Variants in GLB1L2 observed in about 807,000 individuals in gnomAD.
GLB1L2 encodes the protein galactosidase beta 1 like 2, also known as beta-galactosidase-1-like protein 2.
GLB1L2 carries 68 observed loss-of-function variants against 84.1 expected under a neutral mutation model. The ratio of observed to expected loss-of-function variants is 0.81; its 90% CI spans 0.67 to 0.99. The LOEUF (loss-of-function observed/expected upper bound fraction) is 0.99. GLB1L2 is among the 50% of genes least tolerant of loss of function. GLB1L2 has a pLI of 0.00. For missense variants in GLB1L2, 762 were observed against 805.6 expected, an observed-to-expected ratio of 0.95 and a Z score of 0.66; for synonymous variants, 290 against 318.0, an observed-to-expected ratio of 0.91 and a Z score of 0.94.
intron 18 of GLB1L2, 69 bp downstream of exon 18, chr11:134,374,787 G>A (rs1944004331): frequency 7.3e-7 from 1 of 1,368,602 alleles, no homozygotes; most frequent in Non-Finnish European, 1.0e-6. Flanking sequence ...GGAGCCTTCG[G>A]TCAGGGTGGA....
At chr11:134,353,269 G>T (rs1373326035) in intron 5 of GLB1L2, among the ~76,000 whole-genome samples, 1 of 152,054 alleles carries the variant, frequency 6.6e-6, no homozygotes, top group Non-Finnish European at 1.5e-5. Context: ...AATTAGCCAG[G>T]TGTGGTGACG....
chr11:134,341,201 C>T (rs916954967), intron 1 of GLB1L2, among the ~76,000 whole-genome samples: 2 of 152,172 alleles, frequency 1.3e-5, no homozygotes, highest in Non-Finnish European at 2.9e-5. Flanking sequence ...CTCTCTAATA[C>T]GCAAACACAT....
rs1943938598 is a variant in GLB1L2, at chr11:134,370,551, G to GC, written c.1215+153dup. On this transcript the variant is annotated intron_variant, in intron 12 of 18. Coordinates refer to ENST00000535456, the MANE Select transcript of GLB1L2 (RefSeq NM_001370461.1). The surrounding 1 kb of genome is among the most constrained non-coding windows in gnomAD (Gnocchi z 4.7). ...CTCCAGACAGGGAGTGTGGGGGGAG[G>GC]CAGGCCAGTGCCTGGTGGCTCTGGG... The GC allele has an allele frequency of 1.6e-6, 1 of 641,962 alleles. No homozygotes were observed. The highest frequency in any genetic ancestry group is 1.8e-5 in the South Asian group (1 of 55,548). The allele number at this position is 641,962 out of a possible 1,614,324, so 39.8% of individuals were successfully genotyped here. A position where few individuals can be genotyped will look rare whatever the true frequency, so the allele number is the denominator to read the frequency against.
chr11:134,342,817 G>A lies in GLB1L2; in HGVS notation c.150G>A (p.Lys50=), dbSNP rs762505475. Residue 50 remains lysine, a synonymous_variant, in exon 2 of 19, where the codon AAG becomes AAA. Transcript: ENST00000535456. Reference sequence around the variant, plus strand: ...ATCGACAGCTGGGGCTGCAGGCCAAGGGCTGGAACTTCATGCTGGAGGATT... The same window carrying A: ...ATCGACAGCTGGGGCTGCAGGCCAAAGGCTGGAACTTCATGCTGGAGGATT... ...LRHRQLGLQA[K]GWNFMLEDST... The A allele has an allele frequency of 2.5e-6, 4 of 1,614,078 alleles. No individual in the cohort carries two copies. The highest frequency in any genetic ancestry group is 2.2e-5 in the South Asian group (2 of 91,076).
chr11:134,357,628 G>A (rs1188545414), intron 6 of GLB1L2, among the ~76,000 whole-genome samples: 1 of 152,262 alleles, frequency 6.6e-6, no homozygotes, highest in African/African-American at 2.4e-5. Context: ...CGAGAGGAGA[G>A]TGCAGCTCCC....
chr11:134,371,088 C>G lies in GLB1L2; in HGVS notation c.1296C>G (p.Leu432=), dbSNP rs1943946436. The G allele has an allele frequency of 6.2e-7, 1 of 1,614,088 alleles. No homozygotes were observed. The highest frequency in any genetic ancestry group is 1.3e-5 in the African/African-American group (1 of 74,930). The change falls in exon 13 of 19, where the codon CTC becomes CTG. Residue 432 remains leucine (L), a synonymous_variant. Transcript: ENST00000535456. ...ATGGACAGTCCTTCGGGTACATTCT[C>G]TATGAGACCAGCATCACCTCGTCTG... is the stretch of plus-strand genomic sequence containing the variant. ...GGNGQSFGYI[L]YETSITSSGI...
chr11:134,344,330 A>G lies in GLB1L2; in HGVS notation c.285-57A>G, dbSNP rs1306069051. The G allele has an allele frequency of 2.5e-6, 4 of 1,593,464 alleles. No individual in the cohort carries two copies. The African/African-American group carries it at 5.4e-5, about 21-fold the overall frequency. ...TTTTTGGGCTAAAGAAGGTAATGTG[A>G]GAGGTGAAATGGAATGAATGACATG... On this transcript the variant is annotated intron_variant, in intron 2 of 18. Transcript: ENST00000535456.
intron 8 of GLB1L2, among the ~76,000 whole-genome samples, chr11:134,366,065 A>T (rs1347643464): frequency 2.0e-5 from 3 of 152,214 alleles, no homozygotes; most frequent in Non-Finnish European, 4.4e-5. Context: ...ACTGCAGAAC[A>T]GTCTCACTAC....
At chr11:134,342,619 G>A (rs753492257) in intron 1 of GLB1L2, 135 bp from the exon 2 acceptor site, 33 of 839,632 alleles carry the variant, frequency 3.9e-5, no homozygotes, top group South Asian at 1.8e-5. Flanking sequence ...TGGCTGAGGC[G>A]GAGGGGAGCT....
At position 134,339,384 on chromosome 11, in the gene GLB1L2, C is replaced by T. The variant is rs1591609652; in HGVS notation, c.87-3370C>T. ...CTTCGTTGTTTATGAAGCTGTAACT[C>T]GCATGGTCTCATTTACTAGCAGTGA... is the stretch of plus-strand genomic sequence containing the variant. On this transcript the variant is annotated intron_variant, in intron 1 of 18. Transcript: ENST00000535456. The surrounding 1 kb of genome is among the most constrained non-coding windows in gnomAD (Gnocchi z 5.7). Among the ~76,000 whole-genome samples the T allele has an allele frequency of 6.6e-6, 1 of 152,098 alleles. No homozygotes were observed. The highest frequency in any genetic ancestry group is 1.5e-5 in the Non-Finnish European group (1 of 68,020).
In GLB1L2 at chr11:134,342,974, C is replaced by CG. The variant is rs1555087083; in HGVS notation, c.284+25dup. On this transcript the variant is annotated intron_variant, in intron 2 of 18. Transcript: ENST00000535456. ...CACGTAGGTGCTGCCCCTGTCCCCC[C>CG]GGAGCCTGGTTCCTAAGCAGGGCGC... is the stretch of plus-strand genomic sequence containing the variant. 3.8e-6 allele frequency: 6 copies of CG among 1,590,510 alleles called. No individual in the cohort carries two copies. The South Asian group carries it at 4.5e-5, about 12-fold the overall frequency.
intron 4 of GLB1L2, among the ~76,000 whole-genome samples, chr11:134,345,340 TGCTTGTGTGACAG>T (rs2136267289): frequency 6.6e-6 from 1 of 152,380 alleles, no homozygotes; most frequent in African/African-American, 2.4e-5. Context: ...ATGCATGGGC[TGCTTGTGTGACAG>T]GCAGCAGCAG....
intron 7 of GLB1L2, among the ~76,000 whole-genome samples, chr11:134,362,170 T>G (rs1023362700): frequency 6.6e-6 from 1 of 152,224 alleles, no homozygotes; most frequent in Non-Finnish European, 1.5e-5. Context: ...CTTCCTGAGC[T>G]TTTATCTTCC....
At chr11:134,364,823 C>T (rs1461777588) in intron 8 of GLB1L2, 2 of 161,210 alleles carry the variant, frequency 1.2e-5, no homozygotes, top group Non-Finnish European at 1.4e-5. Flanking sequence ...GCCTGGTCCA[C>T]TCCAGGTGCG....
At chr11:134,358,001 A>C (rs1216613521) in intron 6 of GLB1L2, among the ~76,000 whole-genome samples, 1 of 152,186 alleles carries the variant, frequency 6.6e-6, no homozygotes, top group Non-Finnish European at 1.5e-5. Flanking sequence ...ACTCTTGATT[A>C]ATCCCACCTG....
chr11:134,375,019 G>A lies in GLB1L2; in HGVS notation c.1872G>A (p.Thr624=), dbSNP rs140677897. ...ETMAGPALQF[T]ETPHLGRNQY... ...TGGCGGGCCCTGCATTACAGTTCAC[G>A]GAAACCCCCCACCTGGGCAGGAACC... The change falls in exon 19 of 19, where the codon ACG becomes ACA. Residue 624 remains threonine, a synonymous_variant. Transcript: ENST00000535456. The A allele has an allele frequency of 2.0e-5, 32 of 1,613,750 alleles. No homozygotes were observed. Among genetic ancestry groups the A allele is most frequent in the African/African-American group, 4.0e-5 (3 of 74,922 alleles).
intron 5 of GLB1L2, among the ~76,000 whole-genome samples, chr11:134,347,673 C>G (rs912627458): frequency 4.6e-5 from 7 of 152,224 alleles, no homozygotes; most frequent in African/African-American, 1.4e-4. Flanking sequence ...TAAGGGCTCA[C>G]ATTGCCACAT....
At chr11:134,350,670 C>T (rs1038861624) in intron 5 of GLB1L2, among the ~76,000 whole-genome samples, 1 of 152,214 alleles carries the variant, frequency 6.6e-6, no homozygotes, top group South Asian at 2.1e-4. Flanking sequence ...TCCAGCAGGA[C>T]GGATGAACGG....
In GLB1L2 at chr11:134,339,647, G is replaced by A. The variant is rs1943435404; in HGVS notation, c.87-3107G>A. 6.6e-6 allele frequency among the ~76,000 whole-genome samples: 1 copy of A among 152,112 alleles called. No individual in the cohort carries two copies. The highest frequency in any genetic ancestry group is 2.1e-4 in the South Asian group (1 of 4,806). ...TCATTCTAAAAATATAGAAAATGGT[G>A]TGTTATAAAGACACTAGCAAAGACA... is the stretch of plus-strand genomic sequence containing the variant. On this transcript the variant is annotated intron_variant, in intron 1 of 18. Transcript: ENST00000535456. This position sits in a 1 kb window ranked among gnomAD's most constrained non-coding sequence, Gnocchi z 5.7.
Sources: gnomAD v4.1 joint callset for allele counts (sites outside exome capture counted in the v4.1 genomes callset) on GRCh38, gnomAD v4.1.1 for gene constraint, Gnocchi (gnomAD v3.1) non-coding constraint, MANE v1.5 for transcripts, NCBI Gene and HGNC (gene_info 2026-07-23, HGNC 2026-07-21) for gene names.